Variants in TFEC observed in about 807,000 individuals in gnomAD.
The protein encoded by TFEC is transcription factor EC.
TFEC carries 31 observed loss-of-function variants against 41.6 expected under a neutral mutation model. The ratio of observed to expected loss-of-function variants is 0.74; its 90% CI spans 0.56 to 1.01. The LOEUF is 1.01. Ranked by LOEUF, TFEC falls within the 50% of genes least tolerant of loss-of-function variation. The probability of loss-of-function intolerance (pLI) is 0.00; values close to 1 mark genes in which losing one functional copy is unlikely to be tolerated. For missense variants in TFEC, 402 were observed against 404.1 expected, an observed-to-expected ratio of 0.99 and a Z score of 0.04; for synonymous variants, 143 against 140.6, an observed-to-expected ratio of 1.02 and a Z score of -0.12.
chr7:115,960,889 A>G (rs1472456688), intron 3 of TFEC, among the ~76,000 whole-genome samples: 3 of 151,626 alleles, frequency 2.0e-5, no homozygotes, highest in African/African-American at 7.3e-5. Flanking sequence ...TAATATCAGA[A>G]AAAGGGCTTT....
At position 116,062,225 on chromosome 7, in the gene TFEC, C is replaced by CTTTTTTTT. The variant is rs569480964; in HGVS notation, c.198+48475_198+48482dup. On this transcript the variant is annotated intron_variant, in intron 3 of 8. Transcript: ENST00000484212. ...ACAGGCATGTGCCAACATGCCTGGC[C>CTTTTTTTT]TTTTTTTTTTTTTTTTTTTTTTTTT... Among the ~76,000 whole-genome samples the CTTTTTTTT allele has an allele frequency of 4.9e-3, 255 of 51,892 alleles. 22 individuals are homozygous for CTTTTTTTT. The highest frequency in any genetic ancestry group is 0.025 in the Middle Eastern group (1 of 40). 34.0% of individuals were successfully genotyped at this position (51,892 alleles called of 152,430 possible). A position where few individuals can be genotyped will look rare whatever the true frequency, so the allele number is the denominator to read the frequency against.
At position 116,071,860 on chromosome 7, in the gene TFEC, A is replaced by C. The variant is rs1195882301; in HGVS notation, c.198+38848T>G. On this transcript the variant is annotated intron_variant, in intron 3 of 8. Transcript: ENST00000484212. The stretch of plus-strand genomic sequence containing the variant: ...AAAACTGAAACCTATTTTCAGTTAC[A>C]TTGTGTATGCCACAATTTCAAGTAA... 3.3e-5 allele frequency among the ~76,000 whole-genome samples: 5 copies of C among 151,512 alleles called. No individual in the cohort carries two copies. The East Asian group carries it at 9.6e-4, about 29-fold the overall frequency.
intron 1 of TFEC, among the ~76,000 whole-genome samples, chr7:116,006,588 G>A (rs1318456249): frequency 6.6e-6 from 1 of 152,138 alleles, no homozygotes; most frequent in Non-Finnish European, 1.5e-5. Context: ...TGATTTTACA[G>A]GCTCATAGGC....
intron 3 of TFEC, among the ~76,000 whole-genome samples, chr7:115,957,560 G>A (rs1238369539): frequency 1.3e-5 from 2 of 151,744 alleles, no homozygotes; most frequent in African/African-American, 4.8e-5. Context: ...GATTTCCCAA[G>A]AAAATAACAT....
chr7:115,947,797 T>A (rs1187118511), intron 6 of TFEC, among the ~76,000 whole-genome samples: 1 of 152,058 alleles, frequency 6.6e-6, no homozygotes, highest in Non-Finnish European at 1.5e-5. Flanking sequence ...TTGTTTAAGT[T>A]CATTGTAGAT....
At chr7:115,960,258 A>G (rs866739828) in intron 3 of TFEC, among the ~76,000 whole-genome samples, 2 of 151,630 alleles carry the variant, frequency 1.3e-5, no homozygotes, top group South Asian at 4.1e-4. Context: ...ACATTGAAAG[A>G]AAATAAAACG....
At chr7:116,049,292 C>T (rs893282227) in intron 3 of TFEC, among the ~76,000 whole-genome samples, 11 of 151,968 alleles carry the variant, frequency 7.2e-5, no homozygotes, top group African/African-American at 2.7e-4. Flanking sequence ...GAAGATCTAC[C>T]AAGCAAATGG....
At chr7:116,004,438 T>C (rs1208678741) in intron 1 of TFEC, among the ~76,000 whole-genome samples, 1 of 152,200 alleles carries the variant, frequency 6.6e-6, no homozygotes, top group East Asian at 1.9e-4. Flanking sequence ...ACCTCTAATG[T>C]AAACTATGGT....
chr7:115,944,013 A>AATTTTTTTTTTTTTTTTTTT (rs1793648530), intron 6 of TFEC, among the ~76,000 whole-genome samples: 1 of 22,830 alleles, frequency 4.4e-5, no homozygotes, highest in South Asian at 1.7e-3. Context: ...ACAGGTCTGA[A>AATTTTTTTTTTTTTTTTTTT]TTTTTTTTTT....
At chr7:116,150,943 A>T (rs1798748271) in intron 1 of TFEC, among the ~76,000 whole-genome samples, 1 of 152,182 alleles carries the variant, frequency 6.6e-6, no homozygotes, top group Non-Finnish European at 1.5e-5. Flanking sequence ...CTCTTAAATG[A>T]CTATAATTAA....
chr7:115,950,973 A>G (rs1791907464), intron 5 of TFEC, 24 bp from the exon 6 acceptor site: 1 of 1,427,180 alleles, frequency 7.0e-7, no homozygotes, highest in Non-Finnish European at 9.8e-7. Flanking sequence ...AATATTATTG[A>G]TTATTCTCAT....
intron 3 of TFEC, among the ~76,000 whole-genome samples, chr7:116,071,734 T>C (rs1426948913): frequency 6.6e-6 from 1 of 151,372 alleles, no homozygotes; most frequent in Non-Finnish European, 1.5e-5. Context: ...CTCTTATGAA[T>C]GCTCACAACT....
chr7:115,951,853 T>A (rs1314426010), intron 5 of TFEC, among the ~76,000 whole-genome samples: 1 of 152,100 alleles, frequency 6.6e-6, no homozygotes, highest in African/African-American at 2.4e-5. Flanking sequence ...AATATATATC[T>A]GTCAAATTTC....
chr7:116,149,825 G>C (rs60113355), intron 1 of TFEC, among the ~76,000 whole-genome samples: 2,612 of 152,134 alleles, frequency 0.017, 79 homozygotes, highest in African/African-American at 0.06. Flanking sequence ...TTAATTTTCA[G>C]CCTTTTCTCC....
chr7:116,017,492 A>G (rs1239463295), intron 1 of TFEC, among the ~76,000 whole-genome samples: 2 of 152,040 alleles, frequency 1.3e-5, no homozygotes, highest in African/African-American at 4.8e-5. Flanking sequence ...AAGTGCTGGG[A>G]TTACAGGCAT....
chr7:115,997,878 A>T (rs1794430211), intron 1 of TFEC, among the ~76,000 whole-genome samples: 1 of 152,126 alleles, frequency 6.6e-6, no homozygotes, highest in Non-Finnish European at 1.5e-5. Context: ...GAACTTGAAG[A>T]CAGAATATTT....
At chr7:116,106,788 C>T (rs1043527982) in intron 3 of TFEC, among the ~76,000 whole-genome samples, 2 of 152,148 alleles carry the variant, frequency 1.3e-5, no homozygotes, top group Non-Finnish European at 2.9e-5. Context: ...TAGTTTTGAG[C>T]GAGCTCTGAA....
chr7:116,005,281 G>A (rs1347505667), intron 1 of TFEC, among the ~76,000 whole-genome samples: 2 of 152,202 alleles, frequency 1.3e-5, no homozygotes, highest in African/African-American at 4.8e-5. Context: ...GGGCTCAGAA[G>A]AAGACAGGAA....
At chr7:116,142,158 T>C (rs1406882117) in intron 1 of TFEC, among the ~76,000 whole-genome samples, 1 of 152,160 alleles carries the variant, frequency 6.6e-6, no homozygotes, top group Admixed American at 6.5e-5. Context: ...ATGAAAAGAT[T>C]ACCTATACAG....
Sources: allele counts gnomAD v4.1 joint callset (sites outside exome capture counted in the v4.1 genomes callset), GRCh38; gene constraint gnomAD v4.1.1; transcripts MANE v1.5; gene names NCBI Gene and HGNC (gene_info 2026-07-23, HGNC 2026-07-21).